Variants in LGSN observed in about 807,000 individuals in gnomAD.
The protein encoded by LGSN is lengsin, lens protein with glutamine synthetase domain.
Under a neutral mutation model 19.5 loss-of-function variants are expected in LGSN, and 21 were observed. That is an observed-to-expected ratio of 1.07 (90% CI 0.76 to 1.55). The LOEUF (loss-of-function observed/expected upper bound fraction) is 1.55, where lower values mean the gene tolerates loss of function less well. Ranked by LOEUF, LGSN falls within the 40% of genes most tolerant of loss-of-function variation. The pLI is 0.00. For missense variants in LGSN, 673 were observed against 608.5 expected (o/e 1.11, Z -1.12); for synonymous variants, 257 against 215.6 (o/e 1.19, Z -1.68).
chr6:63,332,149 A>G, the LGSN span, among the ~76,000 whole-genome samples: 2 of 152,174 alleles, frequency 1.3e-5, no homozygotes. Flanking sequence ...GGTAGTGCCC[A>G]CTATGACAGG....
chr6:63,480,108 C>A, the LGSN span: 1 of 192,628 alleles, frequency 5.2e-6, no homozygotes, highest in Non-Finnish European at 1.2e-5. Flanking sequence ...TTTGCTGCTA[C>A]CCAGCTCTCA....
the LGSN span, among the ~76,000 whole-genome samples, chr6:63,545,048 G>A: frequency 6.6e-6 from 1 of 152,050 alleles, no homozygotes; most frequent in African/African-American, 2.4e-5. Context: ...TTCTAATTCT[G>A]CCATTTCTTC....
chr6:63,416,599 G>A, the LGSN span, among the ~76,000 whole-genome samples: 2 of 151,520 alleles, frequency 1.3e-5, no homozygotes, highest in Non-Finnish European at 2.9e-5. Context: ...TTTTTGAGAC[G>A]GAGTTTCATT....
At chr6:63,359,627 GTT>G in the LGSN span, among the ~76,000 whole-genome samples, 1 of 152,192 alleles carries the variant, frequency 6.6e-6, no homozygotes, top group South Asian at 2.1e-4. Context: ...GCATAGAGGT[GTT>G]TATAGTATTC....
At chr6:63,287,089 A>C (rs1338039948) in intron 2 of LGSN, among the ~76,000 whole-genome samples, 1 of 152,222 alleles carries the variant, frequency 6.6e-6, no homozygotes, top group Non-Finnish European at 1.5e-5. Context: ...CTTTAAAACT[A>C]AGCATAAAGA....
At chr6:63,377,737 A>C in the LGSN span, among the ~76,000 whole-genome samples, 1 of 151,540 alleles carries the variant, frequency 6.6e-6, no homozygotes, top group African/African-American at 2.4e-5. Context: ...ACATGATGAA[A>C]CCCCATCTCT....
At chr6:63,356,931 T>C in the LGSN span, among the ~76,000 whole-genome samples, 1 of 151,854 alleles carries the variant, frequency 6.6e-6, no homozygotes, top group Non-Finnish European at 1.5e-5. Context: ...GCTGCACCCA[T>C]TAACTCGTCA....
chr6:63,391,018 AT>A, the LGSN span, among the ~76,000 whole-genome samples: 4 of 152,190 alleles, frequency 2.6e-5, no homozygotes, highest in Non-Finnish European at 4.4e-5. Context: ...ATAAAAGGTA[AT>A]CTGAAATAAA....
the LGSN span, among the ~76,000 whole-genome samples, chr6:63,563,867 G>A: frequency 6.6e-6 from 1 of 152,296 alleles, no homozygotes; most frequent in South Asian, 2.1e-4. Flanking sequence ...GAAAAACTGG[G>A]AATAGGATGC....
chr6:63,556,688 A>G, the LGSN span, among the ~76,000 whole-genome samples: 7 of 152,196 alleles, frequency 4.6e-5, no homozygotes, highest in Non-Finnish European at 1.0e-4. Context: ...GTACTACATC[A>G]ATAATTTATT....
At chr6:63,335,860 A>T in the LGSN span, among the ~76,000 whole-genome samples, 2 of 152,238 alleles carry the variant, frequency 1.3e-5, no homozygotes, top group South Asian at 4.1e-4. Context: ...TCAAAAGGAC[A>T]AATGTACTCC....
chr6:63,540,933 G>A, the LGSN span, among the ~76,000 whole-genome samples: 1 of 151,638 alleles, frequency 6.6e-6, no homozygotes, highest in East Asian at 1.9e-4. Flanking sequence ...AACCCCGGGG[G>A]CGGAGGTTGC....
At chr6:63,387,983 AGCCTCCC>A in the LGSN span, among the ~76,000 whole-genome samples, 3 of 151,674 alleles carry the variant, frequency 2.0e-5, no homozygotes, top group Non-Finnish European at 4.4e-5. Context: ...CTCCTTCCTC[AGCCTCCC>A]GAATAGCTGG....
chr6:63,468,236 C>T, the LGSN span, among the ~76,000 whole-genome samples: 1 of 152,104 alleles, frequency 6.6e-6, no homozygotes, highest in East Asian at 1.9e-4. Context: ...TCAAATGATT[C>T]TCCTGCCTCA....
chr6:63,420,189 C>T, the LGSN span, among the ~76,000 whole-genome samples: 1 of 149,962 alleles, frequency 6.7e-6, no homozygotes, highest in Non-Finnish European at 1.5e-5. Context: ...GGCGACAGAC[C>T]GAGACTGCGT....
chr6:63,412,778 AGG>A, the LGSN span, among the ~76,000 whole-genome samples: 1 of 140,870 alleles, frequency 7.1e-6, no homozygotes, highest in Non-Finnish European at 1.6e-5. Context: ...AAAGGAAGGA[AGG>A]GAAGGAAGGA....
At chr6:63,297,772 A>T (rs1768034525) in intron 1 of LGSN, among the ~76,000 whole-genome samples, 1 of 152,188 alleles carries the variant, frequency 6.6e-6, no homozygotes, top group African/African-American at 2.4e-5. Context: ...TCATATTGTC[A>T]AATTAAATTG....
the LGSN span, among the ~76,000 whole-genome samples, chr6:63,533,013 A>G: frequency 6.6e-6 from 1 of 152,214 alleles, no homozygotes; most frequent in Admixed American, 6.5e-5. Context: ...CTGCCTTTGA[A>G]GAGCTACTGA....
At chr6:63,566,326 C>T in the LGSN span, among the ~76,000 whole-genome samples, 20 of 152,338 alleles carry the variant, frequency 1.3e-4, no homozygotes, top group Admixed American at 3.9e-4. Context: ...GTTTTACCCA[C>T]ATTAGTCTGT....
Sources: gnomAD v4.1 joint callset for allele counts (sites outside exome capture counted in the v4.1 genomes callset) on GRCh38, gnomAD v4.1.1 for gene constraint, MANE v1.5 for transcripts, NCBI Gene and HGNC (gene_info 2026-07-23, HGNC 2026-07-21) for gene names.